Variants in SAMD12 observed in about 807,000 individuals in gnomAD.
SAMD12 encodes the protein sterile alpha motif domain-containing protein 12.
A neutral mutation model predicts 15.0 loss-of-function variants in SAMD12; 9 were observed. The ratio of observed to expected loss-of-function variants is 0.60; its 90% confidence interval spans 0.36 to 1.05. The LOEUF (loss-of-function observed/expected upper bound fraction) is 1.05, where lower values mean the gene tolerates loss of function less well. Ranked by LOEUF, SAMD12 falls within the 50% of genes least tolerant of loss-of-function variation. The pLI is 0.01. For missense variants in SAMD12, 230 were observed against 234.2 expected (o/e 0.98, Z 0.12); for synonymous variants, 86 against 90.1 (o/e 0.96, Z 0.25).
At chr8:118,424,902 A>G (rs1231886776) in intron 3 of SAMD12, among the ~76,000 whole-genome samples, 1 of 151,502 alleles carries the variant, frequency 6.6e-6, no homozygotes, top group African/African-American at 2.4e-5. Flanking sequence ...AAGGATGGGA[A>G]CTCTGACTTG....
intron 4 of SAMD12, among the ~76,000 whole-genome samples, chr8:118,345,742 A>T (rs752837452): frequency 1.1e-4 from 17 of 152,232 alleles, no homozygotes; most frequent in Non-Finnish European, 1.3e-4. Flanking sequence ...ACAGGTCAAG[A>T]GCAGTGAAAA....
intron 4 of SAMD12, among the ~76,000 whole-genome samples, chr8:118,359,344 A>G (rs1361804834): frequency 6.6e-6 from 1 of 152,162 alleles, no homozygotes; most frequent in Non-Finnish European, 1.5e-5. Context: ...TTGGACTTCT[A>G]GCCTCCAGGA....
chr8:118,454,609 AG>A (rs1823189050), intron 2 of SAMD12, among the ~76,000 whole-genome samples: 1 of 152,186 alleles, frequency 6.6e-6, no homozygotes, highest in Non-Finnish European at 1.5e-5. Context: ...CATTTAAAAA[AG>A]TTTTTATTTT....
intron 4 of SAMD12, among the ~76,000 whole-genome samples, chr8:118,311,529 A>G (rs1406803688): frequency 6.6e-6 from 1 of 152,190 alleles, no homozygotes; most frequent in East Asian, 1.9e-4. Flanking sequence ...TCTCTGTAAC[A>G]TATAGTTATG....
rs912606062 is a variant in SAMD12 at position 118,378,178 on chromosome 8, A to C, written c.*1239T>G. On this transcript the variant is annotated 3_prime_UTR_variant, in exon 4 of 4. Transcript: ENST00000314727. ...CCATGTTGTCATGTATTCTTTAAAG[A>C]TGTAATTTTAATAACTGGGCATTAT... 1 of 154,342 alleles carries C rather than the reference A, an allele frequency of 6.5e-6. No individual in the cohort carries two copies. The highest frequency in any genetic ancestry group is 1.4e-5 in the Non-Finnish European group (1 of 69,980). 9.6% of individuals were successfully genotyped at this position (154,342 alleles called of 1,614,324 possible).
chr8:118,378,546 C>A lies in SAMD12; in HGVS notation c.*871G>T, dbSNP rs1819502389. On this transcript the variant is annotated 3_prime_UTR_variant, in exon 4 of 4. Transcript: ENST00000314727. The stretch of plus-strand genomic sequence containing the variant: ...CAGGGAGCACATTATTTCCTCTAGG[C>A]AAATGGACTATTACTAGGTTAATCT... 2.0e-6 allele frequency: 2 copies of A among 984,640 alleles called. No homozygotes were observed. The highest frequency in any genetic ancestry group is 6.2e-5 in the Admixed American group (1 of 16,240). 61.0% of individuals were successfully genotyped at this position (984,640 alleles called of 1,614,324 possible).
At chr8:118,466,115 G>C (rs902428906) in intron 2 of SAMD12, among the ~76,000 whole-genome samples, 1 of 152,152 alleles carries the variant, frequency 6.6e-6, no homozygotes, top group Non-Finnish European at 1.5e-5. Context: ...TGTTATCACA[G>C]ATGAAATCTC....
rs1828088691 is a variant in SAMD12, at chr8:118,610,699, G to A, written c.13+11105C>T. On this transcript the variant is annotated intron_variant, in intron 1 of 3. Coordinates refer to ENST00000314727, the MANE Select transcript of SAMD12 (RefSeq NM_207506.3). ...GATACGGTTGTAGGCACTGCTGATA[G>A]ATTAGAGAATAAAAAAGGCAAATAC... Among the ~76,000 whole-genome samples the A allele has an allele frequency of 2.6e-5, 4 of 152,212 alleles. No homozygotes were observed. The South Asian group carries it at 6.2e-4, about 24-fold the overall frequency.
chr8:118,297,151 A>G (rs1814755861), intron 4 of SAMD12, among the ~76,000 whole-genome samples: 1 of 152,212 alleles, frequency 6.6e-6, no homozygotes, highest in Non-Finnish European at 1.5e-5. Context: ...ATATGGATGT[A>G]TTCAAATGAC....
At chr8:118,550,737 T>C (rs1361203221) in intron 2 of SAMD12, among the ~76,000 whole-genome samples, 1 of 151,414 alleles carries the variant, frequency 6.6e-6, no homozygotes, top group Non-Finnish European at 1.5e-5. Flanking sequence ...GACTGGCAAA[T>C]TGGATAAAGA....
At chr8:118,269,820 C>T (rs1342774614) in intron 4 of SAMD12, among the ~76,000 whole-genome samples, 2 of 152,150 alleles carry the variant, frequency 1.3e-5, no homozygotes, top group East Asian at 1.9e-4. Context: ...CCTGCACCCC[C>T]CTTCCTTCCT....
chr8:118,264,327 T>G (rs371819615), intron 4 of SAMD12, among the ~76,000 whole-genome samples: 10 of 152,268 alleles, frequency 6.6e-5, no homozygotes, highest in Admixed American at 6.5e-5. Flanking sequence ...TTACAAAATT[T>G]TTTGCACTAA....
chr8:118,286,712 G>A (rs1028529488), intron 4 of SAMD12, among the ~76,000 whole-genome samples: 6 of 152,178 alleles, frequency 3.9e-5, no homozygotes, highest in African/African-American at 1.4e-4. Flanking sequence ...AGCTGGATTC[G>A]TGTCTCTCCA....
chr8:118,379,450 T>G lies in SAMD12; in HGVS notation c.573A>C (p.Arg191Ser). The G allele has an allele frequency of 6.2e-7, 1 of 1,613,716 alleles. No individual in the cohort carries two copies. Among genetic ancestry groups the G allele is most frequent in the Non-Finnish European group, 8.5e-7 (1 of 1,179,796 alleles). Residue 191 changes from arginine to serine, a missense_variant, in exon 4 of 4, where the codon AGA becomes AGC. Physicochemically the swap from Arg to Ser is moderately radical, Grantham distance 110 (BLOSUM62 -1). Transcript: ENST00000314727. ...VRENLLLFLH[R>S]ISIIENSIQI ...GTATACTATTTTCTATGATGGAAATTCTGTGAAGAAACAATAACAAATTCT... is the reference window on the plus strand; with the variant it reads ...GTATACTATTTTCTATGATGGAAATGCTGTGAAGAAACAATAACAAATTCT...
rs1389437505 is a variant in SAMD12, at chr8:118,591,196, C to T, written c.14-10303G>A. Among the ~76,000 whole-genome samples, 3 of 150,276 alleles carry T rather than the reference C, an allele frequency of 2.0e-5. No homozygotes were observed. The Admixed American group carries it at 2.0e-4, about 10-fold the overall frequency. On this transcript the variant is annotated intron_variant, in intron 1 of 3. Coordinates refer to ENST00000314727, the MANE Select transcript of SAMD12 (RefSeq NM_207506.3). ...AATTAATCTCAAAAATACAACAAAA[C>T]AGAATTAAATACAAGCACTAGATAT... is the stretch of plus-strand genomic sequence containing the variant.
chr8:118,141,774 C>T, the SAMD12 span, among the ~76,000 whole-genome samples: 1 of 152,198 alleles, frequency 6.6e-6, no homozygotes, highest in African/African-American at 2.4e-5. Flanking sequence ...GACTCCATGG[C>T]AATTGCCAGG....
At chr8:118,383,295 A>C (rs150368698) in intron 3 of SAMD12, among the ~76,000 whole-genome samples, 1,865 of 152,204 alleles carry the variant, frequency 0.012, 17 homozygotes, top group Non-Finnish European at 0.018. Context: ...CTCATGGCAA[A>C]TGTCTACGAG....
chr8:118,564,806 G>C (rs1316032215), intron 2 of SAMD12, among the ~76,000 whole-genome samples: 4 of 152,212 alleles, frequency 2.6e-5, no homozygotes, highest in African/African-American at 9.6e-5. Context: ...CTTAAACGAA[G>C]GTTGCTATAA....
chr8:118,244,757 G>C (rs1380943044), intron 4 of SAMD12, among the ~76,000 whole-genome samples: 1 of 151,950 alleles, frequency 6.6e-6, no homozygotes, highest in African/African-American at 2.4e-5. Flanking sequence ...GAGATAGTAA[G>C]AGGAATTTTG....
Sources: allele counts gnomAD v4.1 joint callset (sites outside exome capture counted in the v4.1 genomes callset), GRCh38; gene constraint gnomAD v4.1.1; transcripts MANE v1.5; gene names NCBI Gene and HGNC (gene_info 2026-07-23, HGNC 2026-07-21).